Variants in FMNL2 observed in about 807,000 individuals in gnomAD.
The protein encoded by FMNL2 is formin like 2, also known as formin-like protein 2.
Under a neutral mutation model 130.2 loss-of-function variants are expected in FMNL2, and 51 were observed. The observed-to-expected ratio is 0.39, with a 90% confidence interval of 0.31 to 0.49. The LOEUF (loss-of-function observed/expected upper bound fraction) is 0.49, where lower values mean the gene tolerates loss of function less well. Ranked by LOEUF, FMNL2 falls within the 20% of genes least tolerant of loss-of-function variation. The pLI, the probability that FMNL2 is intolerant of heterozygous loss-of-function variation, is 0.85. For missense variants in FMNL2, 977 were observed against 1,316.2 expected (o/e 0.74, Z 3.99); for synonymous variants, 465 against 467.1 (o/e 1.00, Z 0.06).
chr2:152,647,795 G>C lies in FMNL2; in HGVS notation c.3170-1G>C, dbSNP rs1228963545. ...TCTCACTGGCACTCTCCCCTTTACA[G>C]ATCTTAGAAACCAACCATACAGACG... On this transcript the variant is annotated splice_acceptor_variant, in intron 25 of 25. Coordinates refer to ENST00000288670, the MANE Select transcript of FMNL2 (RefSeq NM_052905.4). LOFTEE classifies it high-confidence loss of function. 2.5e-6 allele frequency: 4 copies of C among 1,613,768 alleles called. No individual in the cohort carries two copies. Among genetic ancestry groups the C allele is most frequent in the Non-Finnish European group, 3.4e-6 (4 of 1,179,838 alleles).
At position 152,524,391 on chromosome 2, in the gene FMNL2, G is replaced by A. The variant is rs73002202; in HGVS notation, c.201+2365G>A. On this transcript the variant is annotated intron_variant, in intron 2 of 25. Coordinates refer to ENST00000288670, the MANE Select transcript of FMNL2 (RefSeq NM_052905.4). ...CAAAGGTGAAAGTAACATGGGAGAC[G>A]TGTCTAACTAATTCTGGAGGGAGTG... Among the ~76,000 whole-genome samples the A allele has an allele frequency of 7.2e-3, 1,089 of 152,250 alleles. 10 individuals are homozygous for A. Among genetic ancestry groups the A allele is most frequent in the African/African-American group, 0.025 (1,032 of 41,540 alleles).
At chr2:152,349,156 A>T (rs1354768193) in intron 1 of FMNL2, among the ~76,000 whole-genome samples, 1 of 152,208 alleles carries the variant, frequency 6.6e-6, no homozygotes, top group Non-Finnish European at 1.5e-5. Context: ...TTTTAAATAA[A>T]TGAGACAAAT....
chr2:152,338,836 C>CACACACACACACATAA (rs1553862443), intron 1 of FMNL2, among the ~76,000 whole-genome samples: 1 of 151,324 alleles, frequency 6.6e-6, no homozygotes, highest in African/African-American at 2.4e-5. Flanking sequence ...CACACACACA[C>CACACACACACACATAA]ACACACACAC....
chr2:152,613,984 C>T (rs530907023), intron 11 of FMNL2, among the ~76,000 whole-genome samples: 119 of 152,282 alleles, frequency 7.8e-4, no homozygotes, highest in African/African-American at 2.8e-3. Flanking sequence ...CTGAGCTGTT[C>T]ATGCTGTATA....
intron 1 of FMNL2, among the ~76,000 whole-genome samples, chr2:152,468,978 T>C (rs1689707686): frequency 1.3e-5 from 2 of 152,322 alleles, no homozygotes; most frequent in South Asian, 2.1e-4. Flanking sequence ...ACATACACAA[T>C]GCTTTATAGC....
At chr2:152,557,407 G>A (rs1695282651) in intron 4 of FMNL2, among the ~76,000 whole-genome samples, 1 of 152,196 alleles carries the variant, frequency 6.6e-6, no homozygotes, top group Admixed American at 6.5e-5. Flanking sequence ...CATAGGTTTT[G>A]CAGTTGCCTC....
At chr2:152,595,503 G>A (rs558620186) in intron 9 of FMNL2, among the ~76,000 whole-genome samples, 1 of 152,222 alleles carries the variant, frequency 6.6e-6, no homozygotes, top group South Asian at 2.1e-4. Context: ...ATTTTTAGTA[G>A]AGACGGGGTT....
At chr2:152,439,421 G>A (rs966937244) in intron 1 of FMNL2, among the ~76,000 whole-genome samples, 5 of 152,008 alleles carry the variant, frequency 3.3e-5, no homozygotes, top group African/African-American at 1.2e-4. Flanking sequence ...TTTTAATCAA[G>A]CCAGGTTTCA....
intron 1 of FMNL2, among the ~76,000 whole-genome samples, chr2:152,495,425 G>A (rs370086667): frequency 4.0e-5 from 6 of 151,730 alleles, no homozygotes; most frequent in South Asian, 4.2e-4. Flanking sequence ...TGAGATGGGC[G>A]GATCACTTGA....
At chr2:152,499,439 G>C (rs533345511) in intron 1 of FMNL2, among the ~76,000 whole-genome samples, 9 of 152,168 alleles carry the variant, frequency 5.9e-5, no homozygotes, top group Non-Finnish European at 1.3e-4. Context: ...GATTGCTGCT[G>C]TTGGGGATTT....
chr2:152,630,899 A>C (rs543054427), intron 20 of FMNL2, among the ~76,000 whole-genome samples: 1 of 152,280 alleles, frequency 6.6e-6, no homozygotes, highest in South Asian at 2.1e-4. Flanking sequence ...GGGATAGCAG[A>C]TGCAGGGCTG....
intron 1 of FMNL2, among the ~76,000 whole-genome samples, chr2:152,397,911 G>A (rs1223189145): frequency 6.6e-6 from 1 of 152,184 alleles, no homozygotes; most frequent in Non-Finnish European, 1.5e-5. Flanking sequence ...ATCACCTGAG[G>A]TCAGGAGTTC....
intron 1 of FMNL2, among the ~76,000 whole-genome samples, chr2:152,378,493 A>G (rs1684292151): frequency 6.6e-6 from 1 of 152,208 alleles, no homozygotes; most frequent in African/African-American, 2.4e-5. Context: ...TATTTGTAAT[A>G]GGTACTTGAT....
At chr2:152,484,332 C>T (rs530567646) in intron 1 of FMNL2, among the ~76,000 whole-genome samples, 56 of 152,200 alleles carry the variant, frequency 3.7e-4, no homozygotes, top group African/African-American at 1.1e-3. Context: ...TCTCAATGAA[C>T]AGGACTAGTT....
intron 6 of FMNL2, among the ~76,000 whole-genome samples, chr2:152,573,739 C>T (rs1696311643): frequency 6.6e-6 from 1 of 152,002 alleles, no homozygotes; most frequent in African/African-American, 2.4e-5. Flanking sequence ...ATTTTTAAAC[C>T]AAATACCATA....
At chr2:152,418,568 T>C (rs1303806017) in intron 1 of FMNL2, among the ~76,000 whole-genome samples, 4 of 152,210 alleles carry the variant, frequency 2.6e-5, no homozygotes, top group African/African-American at 7.2e-5. Context: ...TCCTTTTGTG[T>C]CTGGTTGATT....
intron 1 of FMNL2, among the ~76,000 whole-genome samples, chr2:152,493,754 G>T (rs1187184256): frequency 1.3e-5 from 2 of 152,190 alleles, no homozygotes; most frequent in Non-Finnish European, 2.9e-5. Flanking sequence ...AGGAGCAGAT[G>T]CTGGCACAAT....
intron 1 of FMNL2, among the ~76,000 whole-genome samples, chr2:152,509,186 T>C (rs1390695546): frequency 6.6e-6 from 1 of 152,210 alleles, no homozygotes; most frequent in Non-Finnish European, 1.5e-5. Context: ...TGAACCTTTT[T>C]ATCTCCAAAT....
At chr2:152,390,831 T>G (rs1685071074) in intron 1 of FMNL2, among the ~76,000 whole-genome samples, 1 of 152,200 alleles carries the variant, frequency 6.6e-6, no homozygotes, top group Non-Finnish European at 1.5e-5. Flanking sequence ...CTGTTAGGCA[T>G]TAAAGCAATT....
Sources: allele counts gnomAD v4.1 joint callset (sites outside exome capture counted in the v4.1 genomes callset), GRCh38; gene constraint gnomAD v4.1.1; transcripts MANE v1.5; gene names NCBI Gene and HGNC (gene_info 2026-07-23, HGNC 2026-07-21).